The following DKK2 variants were observed in gnomAD, a reference collection of about 807,000 sequenced individuals.
The protein encoded by DKK2 is dickkopf Wnt signaling pathway inhibitor 2.
A neutral mutation model predicts 28.1 loss-of-function variants in DKK2; 11 were observed. That is an observed-to-expected ratio of 0.39 (90% CI 0.25 to 0.65). The LOEUF (loss-of-function observed/expected upper bound fraction) is 0.65, where lower values mean the gene tolerates loss of function less well. Ranked by LOEUF, DKK2 falls within the 30% of genes least tolerant of loss-of-function variation. The pLI, the probability that DKK2 is intolerant of heterozygous loss-of-function variation, is 0.47. For missense variants in DKK2, 326 were observed against 335.5 expected (o/e 0.97, Z 0.22); for synonymous variants, 135 against 126.5 (o/e 1.07, Z -0.45).
chr4:106,999,548 C>T lies in DKK2; in HGVS notation c.222+35822G>A, dbSNP rs137974894. The stretch of plus-strand genomic sequence containing the variant: ...TTTTAGTAGAAACAGGGTTTCACCA[C>T]GTTAGCCAGGATGATCTCAATCTCT... On this transcript the variant is annotated intron_variant, in intron 1 of 3. Coordinates refer to ENST00000285311, the MANE Select transcript of DKK2 (RefSeq NM_014421.3). Among the ~76,000 whole-genome samples the T allele has an allele frequency of 3.5e-3, 530 of 152,010 alleles. 4 individuals carry two copies. Among genetic ancestry groups the T allele is most frequent in the African/African-American group, 0.012 (508 of 41,470 alleles).
At chr4:107,035,322 T>A in intron 1 of DKK2, 48 bp downstream of exon 1, 1 of 1,600,262 alleles carries the variant, frequency 6.2e-7, no homozygotes, top group Non-Finnish European at 8.6e-7. Flanking sequence ...CCAAGAGAGC[T>A]GGCCCCTGCC....
intron 1 of DKK2, among the ~76,000 whole-genome samples, chr4:106,987,366 A>T (rs548027877): frequency 6.6e-6 from 1 of 152,346 alleles, no homozygotes; most frequent in East Asian, 1.9e-4. Context: ...TTTGAAAAAC[A>T]TAATAATTAT....
intron 1 of DKK2, among the ~76,000 whole-genome samples, chr4:106,958,445 C>G (rs1195488554): frequency 1.3e-5 from 2 of 151,948 alleles, no homozygotes; most frequent in Non-Finnish European, 2.9e-5. Flanking sequence ...AAATTATAGT[C>G]CTGCTGTACT....
At chr4:106,982,491 A>G (rs1723040910) in intron 1 of DKK2, among the ~76,000 whole-genome samples, 1 of 152,204 alleles carries the variant, frequency 6.6e-6, no homozygotes, top group Admixed American at 6.5e-5. Flanking sequence ...GGGAGGGCTG[A>G]TATTATTTTA....
intron 1 of DKK2, among the ~76,000 whole-genome samples, chr4:106,981,445 T>C (rs905834148): frequency 6.6e-6 from 1 of 152,176 alleles, no homozygotes; most frequent in Non-Finnish European, 1.5e-5. Context: ...GAAACTATGG[T>C]TGAGTATAGC....
intron 1 of DKK2, among the ~76,000 whole-genome samples, chr4:106,946,867 C>T (rs1578352767): frequency 1.3e-5 from 2 of 152,014 alleles, no homozygotes; most frequent in Non-Finnish European, 2.9e-5. Flanking sequence ...CTCCTCAAAT[C>T]CCTAGAGCAC....
chr4:106,941,161 G>A (rs1330045970), intron 1 of DKK2, among the ~76,000 whole-genome samples: 1 of 151,712 alleles, frequency 6.6e-6, no homozygotes, highest in East Asian at 1.9e-4. Flanking sequence ...TGACAAGGAG[G>A]TGATTCACGG....
intron 1 of DKK2, among the ~76,000 whole-genome samples, chr4:106,997,115 G>A (rs1723283511): frequency 6.6e-6 from 1 of 151,876 alleles, no homozygotes. Context: ...TTTACCTCAT[G>A]CAAAACTCAA....
chr4:107,017,636 C>A (rs1723628977), intron 1 of DKK2, among the ~76,000 whole-genome samples: 1 of 150,960 alleles, frequency 6.6e-6, no homozygotes, highest in African/African-American at 2.4e-5. Flanking sequence ...ATATTGCTTT[C>A]TTGAAAAAAA....
At chr4:106,969,689 C>G (rs1258699069) in intron 1 of DKK2, among the ~76,000 whole-genome samples, 2 of 151,850 alleles carry the variant, frequency 1.3e-5, no homozygotes, top group African/African-American at 4.8e-5. Context: ...TATGCTACTG[C>G]TTTCTAAACT....
chr4:107,020,111 T>C (rs1170830447), intron 1 of DKK2, among the ~76,000 whole-genome samples: 1 of 152,106 alleles, frequency 6.6e-6, no homozygotes, highest in Non-Finnish European at 1.5e-5. Context: ...GTTCAGGCCA[T>C]CAAATATAAT....
At chr4:106,987,473 A>C (rs1349938924) in intron 1 of DKK2, among the ~76,000 whole-genome samples, 1 of 152,022 alleles carries the variant, frequency 6.6e-6, no homozygotes, top group Non-Finnish European at 1.5e-5. Context: ...TTGTTTGAAA[A>C]CTTGGCCTCA....
chr4:106,970,630 A>C (rs1722856735), intron 1 of DKK2, among the ~76,000 whole-genome samples: 1 of 152,076 alleles, frequency 6.6e-6, no homozygotes, highest in Non-Finnish European at 1.5e-5. Flanking sequence ...AGTTTTGGTC[A>C]AAATTCCATC....
intron 1 of DKK2, among the ~76,000 whole-genome samples, chr4:107,020,210 G>T (rs1430078177): frequency 6.6e-6 from 1 of 152,092 alleles, no homozygotes; most frequent in Non-Finnish European, 1.5e-5. Context: ...CACTGTGATG[G>T]CTGTGGCAGA....
intron 1 of DKK2, among the ~76,000 whole-genome samples, chr4:107,027,037 A>G (rs1723790598): frequency 6.6e-6 from 1 of 152,142 alleles, no homozygotes; most frequent in Non-Finnish European, 1.5e-5. Context: ...AGAGGAATGA[A>G]CCAGAGAAAA....
intron 1 of DKK2, among the ~76,000 whole-genome samples, chr4:106,940,328 C>T (rs1394029875): frequency 6.6e-6 from 1 of 152,148 alleles, no homozygotes. Context: ...CAAAAGAAGA[C>T]ATTTATGCAG....
At chr4:106,936,922 A>T (rs1724598608) in intron 1 of DKK2, among the ~76,000 whole-genome samples, 1 of 150,536 alleles carries the variant, frequency 6.6e-6, no homozygotes, top group East Asian at 2.0e-4. Context: ...ATGCTGAGAG[A>T]TTTTGTCACC....
intron 1 of DKK2, among the ~76,000 whole-genome samples, chr4:106,926,324 C>G (rs1724426418): frequency 1.3e-5 from 2 of 152,096 alleles, no homozygotes; most frequent in South Asian, 4.1e-4. Context: ...ATCTTAGCCA[C>G]TCGATTTTTT....
intron 1 of DKK2, among the ~76,000 whole-genome samples, chr4:106,951,000 T>C (rs1724850120): frequency 6.6e-6 from 1 of 151,782 alleles, no homozygotes; most frequent in Non-Finnish European, 1.5e-5. Context: ...TTGAAATGTA[T>C]ATGGATTTTT....
Sources: gnomAD v4.1 joint callset for allele counts (sites outside exome capture counted in the v4.1 genomes callset) on GRCh38, gnomAD v4.1.1 for gene constraint, MANE v1.5 for transcripts, NCBI Gene and HGNC (gene_info 2026-07-23, HGNC 2026-07-21) for gene names.